PPP1R21: variants seen among roughly 807,000 people sequenced by gnomAD.
PPP1R21 encodes protein phosphatase 1 regulatory subunit 21, also known as KLRAQ motif containing 1.
PPP1R21 carries 85 observed loss-of-function variants against 112.8 expected under a neutral mutation model. The ratio of observed to expected loss-of-function variants is 0.75; its 90% CI spans 0.63 to 0.90. The LOEUF is 0.90. Among genes scored for constraint, PPP1R21 ranks in the 40% least tolerant of loss-of-function variants. The pLI is 0.00. For missense variants in PPP1R21, 1,199 were observed against 901.5 expected, an observed-to-expected ratio of 1.33 and a Z score of -4.23; for synonymous variants, 381 against 322.3, an observed-to-expected ratio of 1.18 and a Z score of -1.95.
At chr2:48,502,743 C>G (rs1215147097) in intron 17 of PPP1R21, among the ~76,000 whole-genome samples, 2 of 133,274 alleles carry the variant, frequency 1.5e-5, no homozygotes, top group Middle Eastern at 5.0e-3. Flanking sequence ...TGCAGTGGTG[C>G]GATCTCCACT....
At chr2:48,479,889 G>A (rs1009639341) in intron 12 of PPP1R21, 35 bp from the exon 13 acceptor site, 1 of 1,351,734 alleles carries the variant, frequency 7.4e-7, no homozygotes, top group African/African-American at 1.4e-5. Context: ...CCATTTTTCA[G>A]GAAAATGCTT....
At chr2:48,455,212 T>C (rs1667668449) in intron 3 of PPP1R21, among the ~76,000 whole-genome samples, 1 of 144,728 alleles carries the variant, frequency 6.9e-6, no homozygotes, top group Admixed American at 7.1e-5. Context: ...AATGGCACGA[T>C]CTTAGCTCAC....
chr2:48,459,955 A>G, intron 5 of PPP1R21, 37 bp downstream of exon 5: 2 of 1,601,328 alleles, frequency 1.2e-6, no homozygotes, highest in Non-Finnish European at 1.7e-6. Context: ...AAAAATAGTT[A>G]CAGCTTTTGT....
chr2:48,500,714 C>T (rs1670072157), intron 17 of PPP1R21, among the ~76,000 whole-genome samples: 1 of 152,124 alleles, frequency 6.6e-6, no homozygotes, highest in Admixed American at 6.5e-5. Flanking sequence ...AGTTCGAGAC[C>T]TGGGCAACAA....
chr2:48,481,506 G>C (rs72822219), intron 13 of PPP1R21, among the ~76,000 whole-genome samples: 8,020 of 152,278 alleles, frequency 0.053, 287 homozygotes, highest in Middle Eastern at 0.095. Flanking sequence ...CTCTCTTCCA[G>C]AACTTTACTT....
In PPP1R21 at chr2:48,498,744, C is replaced by T; in HGVS notation, c.1935+9C>T. 1 of 1,611,772 alleles carries T rather than the reference C, an allele frequency of 6.2e-7. No homozygotes were observed. On this transcript the variant is annotated intron_variant, in intron 17 of 21. Transcript: ENST00000294952. ...TTCAGAGCACCAGTCTAGTAAGTGT[C>T]TTCTTGGTTGTCCTCAGTTTTCTTT...
chr2:48,478,435 T>G (rs1231491646), intron 12 of PPP1R21, among the ~76,000 whole-genome samples: 1 of 152,190 alleles, frequency 6.6e-6, no homozygotes, highest in East Asian at 1.9e-4. Flanking sequence ...GGATTCAGCC[T>G]TGGGCATGCA....
intron 14 of PPP1R21, 22 bp downstream of exon 14, chr2:48,486,780 T>G: frequency 6.2e-7 from 1 of 1,604,108 alleles, no homozygotes; most frequent in Non-Finnish European, 8.5e-7. Context: ...CTGGCGTATA[T>G]TGATGTTAAA....
intron 17 of PPP1R21, among the ~76,000 whole-genome samples, chr2:48,499,707 G>A (rs368901422): frequency 4.0e-4 from 61 of 152,298 alleles, no homozygotes; most frequent in African/African-American, 1.3e-3. Context: ...TCTTTTTCAT[G>A]AGGCAGATTG....
intron 2 of PPP1R21, among the ~76,000 whole-genome samples, chr2:48,453,321 T>A (rs534712965): frequency 6.6e-5 from 10 of 152,182 alleles, no homozygotes; most frequent in Non-Finnish European, 1.2e-4. Flanking sequence ...TTTATAATTG[T>A]TTCAGTGAAA....
chr2:48,495,732 T>C lies in PPP1R21; in HGVS notation c.1653T>C (p.Leu551=). ...YEEALANRRI[L]LSSTESREGL... ...AAGCACTGGCAAACCGCCGCATCCT[T>C]CTCAGCTCTACTGAAAGTCGAGAAG... The change falls in exon 16 of 22, where the codon CTT becomes CTC. Residue 551 remains leucine (L), a synonymous_variant. Coordinates refer to ENST00000294952, the MANE Select transcript of PPP1R21 (RefSeq NM_001135629.3). The C allele has an allele frequency of 9.9e-6, 16 of 1,612,560 alleles. No homozygotes were observed. The highest frequency in any genetic ancestry group is 1.4e-5 in the Non-Finnish European group (16 of 1,178,494).
chr2:48,490,218 C>CAAAAAA (rs70943343), intron 14 of PPP1R21, among the ~76,000 whole-genome samples: 4 of 93,946 alleles, frequency 4.3e-5, no homozygotes, highest in African/African-American at 4.2e-5. Context: ...GACGCCGACT[C>CAAAAAA]AAAAAAAAAA....
chr2:48,450,346 A>T (rs1303506549), intron 1 of PPP1R21, among the ~76,000 whole-genome samples: 1 of 152,176 alleles, frequency 6.6e-6, no homozygotes, highest in East Asian at 1.9e-4. Context: ...CAGGATTGTG[A>T]GGATTAGATG....
rs903578326 is a variant in PPP1R21 at position 48,440,850 on chromosome 2, A to C, written c.-104A>C. ...GCGGCGGCGGCTGCGGTGGCCAAGCAGGCAGATACTGCCTGACCCGTTCCC... is the reference window on the plus strand; with the variant it reads ...GCGGCGGCGGCTGCGGTGGCCAAGCCGGCAGATACTGCCTGACCCGTTCCC... On this transcript the variant is annotated 5_prime_UTR_variant, in exon 1 of 22. Transcript: ENST00000294952. 3.9e-6 allele frequency: 3 copies of C among 762,270 alleles called. No homozygotes were observed. The highest frequency in any genetic ancestry group is 6.4e-6 in the Non-Finnish European group (3 of 471,842). 47.2% of individuals were successfully genotyped at this position (762,270 alleles called of 1,614,324 possible).
intron 15 of PPP1R21, among the ~76,000 whole-genome samples, chr2:48,493,955 C>T (rs955513518): frequency 2.7e-5 from 4 of 150,378 alleles, no homozygotes; most frequent in African/African-American, 9.8e-5. Context: ...GGTGCAGTGG[C>T]TCATGCCTGT....
intron 12 of PPP1R21, among the ~76,000 whole-genome samples, chr2:48,477,166 G>T (rs1668796426): frequency 1.5e-5 from 2 of 133,720 alleles, no homozygotes; most frequent in South Asian, 2.3e-4. Context: ...CTATCACCCA[G>T]TCTGGAGTGC....
At chr2:48,494,058 C>CG (rs750136404) in intron 15 of PPP1R21, among the ~76,000 whole-genome samples, 1 of 63,236 alleles carries the variant, frequency 1.6e-5, no homozygotes, top group African/African-American at 6.7e-5. Context: ...CTCGTCTCTC[C>CG]AAAAAAAAAA....
chr2:48,499,922 T>C (rs1210691875), intron 17 of PPP1R21, among the ~76,000 whole-genome samples: 1 of 151,498 alleles, frequency 6.6e-6, no homozygotes, highest in Non-Finnish European at 1.5e-5. Context: ...ATCAAAGGAG[T>C]CTTTTAGGTG....
At chr2:48,458,824 G>A (rs1211099953) in intron 4 of PPP1R21, among the ~76,000 whole-genome samples, 2 of 152,258 alleles carry the variant, frequency 1.3e-5, no homozygotes, top group African/African-American at 2.4e-5. Flanking sequence ...TGGGCGCAGT[G>A]TCTCATGCCT....
Sources: allele counts gnomAD v4.1 joint callset (sites outside exome capture counted in the v4.1 genomes callset), GRCh38; gene constraint gnomAD v4.1.1; transcripts MANE v1.5; gene names NCBI Gene and HGNC (gene_info 2026-07-23, HGNC 2026-07-21).